FSD1L: variants seen among roughly 807,000 people sequenced by gnomAD.
The protein encoded by FSD1L is fibronectin type III and SPRY domain containing 1 like.
Under a neutral mutation model 71.6 loss-of-function variants are expected in FSD1L, and 45 were observed. The observed-to-expected ratio is 0.63, with a 90% CI of 0.49 to 0.81. The LOEUF (loss-of-function observed/expected upper bound fraction) is 0.81. Ranked by LOEUF, FSD1L falls within the 30% of genes least tolerant of loss-of-function variation. The pLI is 0.00. For synonymous variants in FSD1L, 197 were observed against 207.2 expected, an observed-to-expected ratio of 0.95 and a Z score of 0.42; for missense variants, 561 against 618.1, an observed-to-expected ratio of 0.91 and a Z score of 0.98.
chr9:105,523,352 T>C (rs1835305426), intron 10 of FSD1L: 1 of 1,602,142 alleles, frequency 6.2e-7, no homozygotes, highest in African/African-American at 1.3e-5. Context: ...AGACACCAGA[T>C]GATCTAGAAA....
At chr9:105,488,557 G>T (rs548247086) in intron 7 of FSD1L, among the ~76,000 whole-genome samples, 7 of 152,232 alleles carry the variant, frequency 4.6e-5, no homozygotes, top group African/African-American at 1.2e-4. Context: ...GAATAGTATG[G>T]TAAAAGTGTG....
At chr9:105,529,947 G>C (rs891172935) in intron 10 of FSD1L, among the ~76,000 whole-genome samples, 1 of 152,172 alleles carries the variant, frequency 6.6e-6, no homozygotes, top group Admixed American at 6.5e-5. Flanking sequence ...GTGAAAGGCG[G>C]AACAGCCATA....
chr9:105,518,230 CT>C (rs1242510425), intron 10 of FSD1L, among the ~76,000 whole-genome samples: 1 of 152,226 alleles, frequency 6.6e-6, no homozygotes, highest in Non-Finnish European at 1.5e-5. Flanking sequence ...TAACATCCCA[CT>C]GTCAATATTA....
At chr9:105,523,593 T>TC (rs1201378319) in intron 10 of FSD1L, 20 of 1,610,986 alleles carry the variant, frequency 1.2e-5, no homozygotes, top group Admixed American at 1.7e-5. Flanking sequence ...TAACCTGACC[T>TC]CCCCTTCTCC....
intron 1 of FSD1L, among the ~76,000 whole-genome samples, chr9:105,460,577 G>C (rs1221885091): frequency 7.0e-6 from 1 of 143,408 alleles, no homozygotes; most frequent in East Asian, 2.1e-4. Flanking sequence ...GGGTGACAGA[G>C]TGAGACTCCA....
upstream of FSD1L, among the ~76,000 whole-genome samples, chr9:105,445,497 T>C (rs1829622679): frequency 6.6e-6 from 1 of 152,086 alleles, no homozygotes; most frequent in South Asian, 2.1e-4. Flanking sequence ...CTTTCTCTGG[T>C]GGTGCCTGTC....
At chr9:105,469,535 T>C (rs1304526884) in intron 4 of FSD1L, among the ~76,000 whole-genome samples, 2 of 152,170 alleles carry the variant, frequency 1.3e-5, no homozygotes, top group African/African-American at 2.4e-5. Context: ...GTTGAGCATC[T>C]CTTCACGTGT....
intron 10 of FSD1L, among the ~76,000 whole-genome samples, chr9:105,518,752 C>G (rs1834904485): frequency 6.6e-6 from 1 of 152,048 alleles, no homozygotes; most frequent in Non-Finnish European, 1.5e-5. Context: ...ATGAAAAGAA[C>G]TAGAGAAGCA....
chr9:105,465,793 C>T (rs1477518398), intron 3 of FSD1L, among the ~76,000 whole-genome samples: 1 of 152,108 alleles, frequency 6.6e-6, no homozygotes, highest in Non-Finnish European at 1.5e-5. Context: ...AACAATCTCA[C>T]AGCTACCATC....
chr9:105,505,235 T>G (rs1000848466), intron 7 of FSD1L, among the ~76,000 whole-genome samples: 5 of 152,188 alleles, frequency 3.3e-5, no homozygotes, highest in African/African-American at 1.2e-4. Context: ...TTCCAGGAAT[T>G]TTATTCTTTG....
intron 1 of FSD1L, among the ~76,000 whole-genome samples, chr9:105,448,456 G>C (rs909011403): frequency 2.0e-5 from 3 of 152,238 alleles, no homozygotes; most frequent in African/African-American, 7.2e-5. Flanking sequence ...GCTGGCCTCT[G>C]CTCTGCGCGC....
At chr9:105,517,352 C>G (rs1384004872) in intron 10 of FSD1L, among the ~76,000 whole-genome samples, 4 of 152,118 alleles carry the variant, frequency 2.6e-5, no homozygotes, top group African/African-American at 9.7e-5. Flanking sequence ...TCAAGAAGAG[C>G]AACCCCAAGA....
At chr9:105,520,862 A>G (rs1835103280) in intron 10 of FSD1L, 1 of 1,612,168 alleles carries the variant, frequency 6.2e-7, no homozygotes, top group African/African-American at 1.3e-5. Flanking sequence ...ATAAAGGGCA[A>G]GAAGATCTCA....
intron 4 of FSD1L, among the ~76,000 whole-genome samples, chr9:105,468,568 C>T (rs1164155314): frequency 6.7e-6 from 1 of 148,728 alleles, no homozygotes; most frequent in Non-Finnish European, 1.5e-5. Flanking sequence ...GATCTTGGTT[C>T]ATTGCAACCT....
intron 7 of FSD1L, among the ~76,000 whole-genome samples, chr9:105,497,270 A>C (rs892581802): frequency 6.7e-6 from 1 of 148,798 alleles, no homozygotes; most frequent in African/African-American, 2.5e-5. Flanking sequence ...GATTTGCTAT[A>C]TTTTGTTGAG....
intron 10 of FSD1L, chr9:105,525,441 A>G (rs1324600853): frequency 5.6e-6 from 9 of 1,608,594 alleles, no homozygotes; most frequent in African/African-American, 1.3e-5. Context: ...AACATACAGA[A>G]GAAAAAGAAT....
At chr9:105,543,952 A>G (rs1354694181) in intron 13 of FSD1L, among the ~76,000 whole-genome samples, 1 of 152,200 alleles carries the variant, frequency 6.6e-6, no homozygotes. Context: ...ACACCCAGTA[A>G]TGGGATGGCT....
At chr9:105,512,376 G>A (rs1834444997) in intron 9 of FSD1L, among the ~76,000 whole-genome samples, 1 of 152,026 alleles carries the variant, frequency 6.6e-6, no homozygotes, top group African/African-American at 2.4e-5. Flanking sequence ...TAGAGTATCA[G>A]AGAAAATGTG....
At chr9:105,486,573 C>A (rs2131720611) in intron 7 of FSD1L, among the ~76,000 whole-genome samples, 1 of 152,186 alleles carries the variant, frequency 6.6e-6, no homozygotes, top group East Asian at 1.9e-4. Context: ...GTTTAGAAGT[C>A]ACATTAACCA....
Sources: allele counts gnomAD v4.1 joint callset (sites outside exome capture counted in the v4.1 genomes callset), GRCh38; gene constraint gnomAD v4.1.1; transcripts MANE v1.5; gene names NCBI Gene and HGNC (gene_info 2026-07-23, HGNC 2026-07-21).